The following TMEM62 variants were observed in gnomAD, a reference collection of about 807,000 sequenced individuals.
TMEM62 encodes the protein transmembrane protein 62.
In TMEM62, 41 loss-of-function variants were observed where a neutral mutation model predicts 70.4. The ratio of observed to expected loss-of-function variants is 0.58; its 90% CI spans 0.45 to 0.76. The LOEUF is 0.76. Ranked by LOEUF, TMEM62 falls within the 30% of genes least tolerant of loss-of-function variation. The pLI is 0.00. For missense variants in TMEM62, 688 were observed against 788.5 expected (o/e 0.87, Z 1.53); for synonymous variants, 268 against 291.0 (o/e 0.92, Z 0.80).
intron 9 of TMEM62, among the ~76,000 whole-genome samples, chr15:43,159,365 A>G (rs1477140417): frequency 6.6e-6 from 1 of 152,164 alleles, no homozygotes; most frequent in African/African-American, 2.4e-5. Context: ...CTGATTAACC[A>G]TCCCCACCTC....
chr15:43,153,864 G>T (rs2037716761), intron 8 of TMEM62, among the ~76,000 whole-genome samples: 1 of 152,164 alleles, frequency 6.6e-6, no homozygotes, highest in Non-Finnish European at 1.5e-5. Context: ...ATCCAGAAGT[G>T]GAATTGCTGG....
intron 3 of TMEM62, among the ~76,000 whole-genome samples, chr15:43,137,823 G>A (rs893727070): frequency 1.3e-5 from 2 of 152,254 alleles, no homozygotes; most frequent in African/African-American, 2.4e-5. Context: ...TGGGCTGCCT[G>A]TCATGGGGGC....
At position 43,178,388 on chromosome 15, in the gene TMEM62, A is replaced by G. The variant is rs1162356117; in HGVS notation, c.1382-219A>G. The stretch of plus-strand genomic sequence containing the variant: ...ATATAAAATATCTCACAACTACACC[A>G]TTTCTTCGAACTCTCTGCCTTTTGC... On this transcript the variant is annotated intron_variant, in intron 11 of 13. Coordinates refer to ENST00000260403, the MANE Select transcript of TMEM62 (RefSeq NM_024956.4). Among the ~76,000 whole-genome samples, 10 of 152,238 alleles carry G rather than the reference A, an allele frequency of 6.6e-5. No individual in the cohort carries two copies. In the East Asian group the frequency reaches 1.7e-3, roughly 26 times the overall value.
chr15:43,181,643 A>T (rs984532304), intron 13 of TMEM62, among the ~76,000 whole-genome samples: 3 of 152,206 alleles, frequency 2.0e-5, no homozygotes, highest in Non-Finnish European at 4.4e-5. Flanking sequence ...CTGGGATTAC[A>T]GGCATGTGCC....
At chr15:43,138,459 T>G (rs529418637) in intron 3 of TMEM62, 115 bp from the exon 4 acceptor site, 9 of 788,166 alleles carry the variant, frequency 1.1e-5, no homozygotes, top group Admixed American at 2.6e-5. Context: ...ACCCTGGGGG[T>G]GTGTGTGGAA....
intron 3 of TMEM62, among the ~76,000 whole-genome samples, chr15:43,137,708 G>T (rs1471682127): frequency 1.3e-5 from 2 of 152,252 alleles, no homozygotes; most frequent in African/African-American, 4.8e-5. Context: ...GAATCATGGA[G>T]TGTGTAGACA....
At position 43,154,762 on chromosome 15, in the gene TMEM62, C is replaced by T; in HGVS notation, c.1113C>T (p.Pro371=). The T allele has an allele frequency of 6.2e-7, 1 of 1,613,976 alleles. No individual in the cohort carries two copies. Among genetic ancestry groups the T allele is most frequent in the Middle Eastern group, 1.7e-4 (1 of 6,060 alleles). The change falls in exon 9 of 14, where the codon CCC becomes CCT. Residue 371 remains proline, a synonymous_variant. Transcript: ENST00000260403. ...HLGQAVHVSG[P]IFVLKWNPRN... ...GCCAGGCTGTTCATGTGTCTGGTCC[C>T]ATTTTCGTACTGAAGTGGAATCCTA...
At chr15:43,182,145 C>A (rs1214516128) in intron 13 of TMEM62, among the ~76,000 whole-genome samples, 1 of 152,172 alleles carries the variant, frequency 6.6e-6, no homozygotes. Flanking sequence ...ACACAAAGAA[C>A]CTTGATCCAT....
intron 13 of TMEM62, 59 bp downstream of exon 13, chr15:43,181,358 C>T: frequency 9.1e-7 from 1 of 1,096,034 alleles, no homozygotes. Context: ...AATTGCATAA[C>T]AGTTATGAAT....
rs2039393292 is a variant in TMEM62, at chr15:43,166,194, C to A, written c.1297-3399C>A. On this transcript the variant is annotated intron_variant, in intron 10 of 13. Coordinates refer to ENST00000260403, the MANE Select transcript of TMEM62 (RefSeq NM_024956.4). ...TGCAGCCTTACGTGGGCTTGGTGGG[C>A]TTGGGTAAGAACTGGGAGAATTCTC... Among the ~76,000 whole-genome samples, 4 of 152,348 alleles carry A rather than the reference C, an allele frequency of 2.6e-5. No individual in the cohort carries two copies. In the South Asian group the frequency reaches 8.3e-4, roughly 32 times the overall value.
At chr15:43,152,457 T>C (rs1334858266) in intron 8 of TMEM62, among the ~76,000 whole-genome samples, 1 of 152,160 alleles carries the variant, frequency 6.6e-6, no homozygotes, top group East Asian at 1.9e-4. Context: ...TGCAGTGGCC[T>C]GATCTTGGCT....
At chr15:43,162,427 CT>C (rs1326923219) in intron 10 of TMEM62, among the ~76,000 whole-genome samples, 3 of 139,048 alleles carry the variant, frequency 2.2e-5, no homozygotes, top group Middle Eastern at 3.2e-3. Flanking sequence ...GCCACTGCCC[CT>C]GGCCCTTTTT....
intron 10 of TMEM62, among the ~76,000 whole-genome samples, chr15:43,169,381 G>A (rs2039951040): frequency 6.6e-6 from 1 of 152,164 alleles, no homozygotes; most frequent in Admixed American, 6.5e-5. Flanking sequence ...AAATCCAAAT[G>A]TTATAACAAT....
intron 10 of TMEM62, among the ~76,000 whole-genome samples, chr15:43,167,052 A>C (rs2141929504): frequency 6.6e-6 from 1 of 152,156 alleles, no homozygotes; most frequent in Non-Finnish European, 1.5e-5. Context: ...GCTGTTGGGT[A>C]CACCTCCCAG....
At chr15:43,166,086 T>A (rs945237354) in intron 10 of TMEM62, among the ~76,000 whole-genome samples, 1 of 152,222 alleles carries the variant, frequency 6.6e-6, no homozygotes, top group African/African-American at 2.4e-5. Flanking sequence ...ATTCAAAGAA[T>A]TGAGGGTTGT....
At chr15:43,170,314 TC>T (rs1244996574) in intron 11 of TMEM62, among the ~76,000 whole-genome samples, 22 of 152,340 alleles carry the variant, frequency 1.4e-4, no homozygotes, top group Middle Eastern at 3.4e-3. Context: ...TTTTAAGGTT[TC>T]TTTGGGGTCC....
intron 2 of TMEM62, 48 bp from the exon 3 acceptor site, chr15:43,135,464 C>T: frequency 6.5e-7 from 1 of 1,548,784 alleles, no homozygotes; most frequent in Non-Finnish European, 8.6e-7. Context: ...AATGGAACCC[C>T]CAGTAGTTTA....
chr15:43,138,802 C>T (rs1245672604), intron 4 of TMEM62, among the ~76,000 whole-genome samples, 183 bp downstream of exon 4: 2 of 152,190 alleles, frequency 1.3e-5, no homozygotes, highest in Non-Finnish European at 2.9e-5. Context: ...TCCTGTGTAG[C>T]TGGGGCTGCA....
At chr15:43,151,211 C>T (rs1415876052) in intron 7 of TMEM62, among the ~76,000 whole-genome samples, 2 of 151,526 alleles carry the variant, frequency 1.3e-5, no homozygotes, top group African/African-American at 4.9e-5. Context: ...GTGGCGGGCA[C>T]CTGTAATCCC....
Sources: allele counts gnomAD v4.1 joint callset (sites outside exome capture counted in the v4.1 genomes callset), GRCh38; gene constraint gnomAD v4.1.1; transcripts MANE v1.5; gene names NCBI Gene and HGNC (gene_info 2026-07-23, HGNC 2026-07-21).